The following DLC1 variants were observed in gnomAD, a reference collection of about 807,000 sequenced individuals.
The protein encoded by DLC1 is rho GTPase-activating protein 7.
A neutral mutation model predicts 140.3 loss-of-function variants in DLC1; 54 were observed. The observed-to-expected ratio is 0.38, with a 90% CI of 0.31 to 0.48. The LOEUF is 0.48. DLC1 is among the 20% of genes least tolerant of loss of function. The probability of loss-of-function intolerance (pLI) is 0.96; values close to 1 mark genes in which losing one functional copy is unlikely to be tolerated. For synonymous variants in DLC1, 986 were observed against 728.1 expected (o/e 1.35, Z -5.70); for missense variants, 2,536 against 1,907.0 (o/e 1.33, Z -6.14).
chr8:13,453,404 G>GTA (rs1252499122), intron 2 of DLC1, among the ~76,000 whole-genome samples: 1,224 of 22,832 alleles, frequency 0.054, 57 homozygotes, highest in Non-Finnish European at 0.066. Context: ...ATATATATGT[G>GTA]TATATATATA....
chr8:13,168,870 G>T (rs895054939), intron 5 of DLC1, among the ~76,000 whole-genome samples: 1 of 152,284 alleles, frequency 6.6e-6, no homozygotes, highest in Admixed American at 6.5e-5. Context: ...AATGAAGTCG[G>T]TGATTAGAAT....
chr8:13,261,912 A>G (rs1830485517), intron 5 of DLC1, among the ~76,000 whole-genome samples: 1 of 152,240 alleles, frequency 6.6e-6, no homozygotes, highest in African/African-American at 2.4e-5. Flanking sequence ...GTTATTAAGC[A>G]TTAAATAATA....
chr8:13,154,450 C>A (rs1824092240), intron 5 of DLC1, among the ~76,000 whole-genome samples: 1 of 152,224 alleles, frequency 6.6e-6, no homozygotes, highest in Admixed American at 6.5e-5. Flanking sequence ...GTGCTAAGCC[C>A]CTTACTGCCC....
At chr8:13,557,385 A>C (rs953332634) in intron 1 of DLC1, among the ~76,000 whole-genome samples, 2 of 152,092 alleles carry the variant, frequency 1.3e-5, no homozygotes, top group Non-Finnish European at 2.9e-5. Flanking sequence ...GGTTGAGTGG[A>C]AGAAAGGAAG....
chr8:13,597,512 G>A (rs1282292496), intron 1 of DLC1, among the ~76,000 whole-genome samples: 2 of 151,988 alleles, frequency 1.3e-5, no homozygotes, highest in Admixed American at 6.6e-5. Flanking sequence ...AACTCTGGGT[G>A]TTTTACCCTT....
intron 5 of DLC1, among the ~76,000 whole-genome samples, chr8:13,295,938 C>CTTTTTTTTTTTTTTTTTTTTTTTTT (rs34697767): frequency 7.5e-5 from 4 of 53,344 alleles, no homozygotes; most frequent in Non-Finnish European, 7.4e-5. Context: ...AGATAAGATT[C>CTTTTTTTTTTTTTTTTTTTTTTTTT]TTTGTTTTTT....
At chr8:13,596,342 G>C (rs1369676728) in intron 1 of DLC1, among the ~76,000 whole-genome samples, 1 of 151,984 alleles carries the variant, frequency 6.6e-6, no homozygotes, top group Non-Finnish European at 1.5e-5. Context: ...TTTCTTGGCA[G>C]AGCCCCTCAG....
intron 5 of DLC1, among the ~76,000 whole-genome samples, chr8:13,256,510 G>T (rs1042555646): frequency 3.9e-5 from 6 of 152,098 alleles, no homozygotes; most frequent in Non-Finnish European, 7.3e-5. Flanking sequence ...AGAAAATGTG[G>T]CACATATACA....
intron 1 of DLC1, among the ~76,000 whole-genome samples, chr8:13,597,349 C>A (rs1805716912): frequency 1.3e-5 from 2 of 151,996 alleles, no homozygotes; most frequent in South Asian, 2.1e-4. Context: ...CGTATTGCTT[C>A]TCCCATTTCT....
intron 5 of DLC1, among the ~76,000 whole-genome samples, chr8:13,244,920 C>T (rs138071334): frequency 5.5e-4 from 84 of 152,302 alleles, no homozygotes; most frequent in African/African-American, 1.9e-3. Context: ...TTATACTATG[C>T]CAACATTTTG....
intron 1 of DLC1, among the ~76,000 whole-genome samples, chr8:13,512,966 C>CTTTTTTT (rs57239531): frequency 7.1e-6 from 1 of 139,968 alleles, no homozygotes. Context: ...ACAGTTTTAC[C>CTTTTTTT]TTTTTTTTTT....
rs114865080 is a variant in DLC1, at chr8:13,420,612, C to G, written c.1024-18993G>C. ...TGTGTGATGTTCCCCTCCTTGTGTT[C>G]CCCTCATTGTTCAACTCTCACTTAT... On this transcript the variant is annotated intron_variant, in intron 2 of 17. Coordinates refer to ENST00000276297, the MANE Select transcript of DLC1 (RefSeq NM_182643.3). Among the ~76,000 whole-genome samples, 5 of 152,070 alleles carry G rather than the reference C, an allele frequency of 3.3e-5. No homozygotes were observed. The South Asian group carries it at 1.0e-3, about 32-fold the overall frequency.
At chr8:13,271,484 A>G (rs747857344) in intron 5 of DLC1, among the ~76,000 whole-genome samples, 47 of 152,328 alleles carry the variant, frequency 3.1e-4, no homozygotes, top group Non-Finnish European at 5.0e-4. Flanking sequence ...ATCAGCTGCA[A>G]TGTAAAAATC....
intron 1 of DLC1, among the ~76,000 whole-genome samples, chr8:13,536,652 C>G (rs1402995445): frequency 6.6e-6 from 1 of 152,172 alleles, no homozygotes; most frequent in Non-Finnish European, 1.5e-5. Context: ...TACTTTCCCC[C>G]TGGTCAAAGG....
intron 5 of DLC1, among the ~76,000 whole-genome samples, chr8:13,163,688 G>C (rs575787448): frequency 5.3e-5 from 8 of 152,200 alleles, no homozygotes; most frequent in African/African-American, 1.7e-4. Flanking sequence ...GAGCTAGCTA[G>C]ATCAAGATCT....
At chr8:13,462,455 G>A (rs1403723842) in intron 2 of DLC1, among the ~76,000 whole-genome samples, 3 of 149,702 alleles carry the variant, frequency 2.0e-5, no homozygotes, top group African/African-American at 7.4e-5. Flanking sequence ...CCAGGCTGGA[G>A]TGCAGTGGCG....
intron 1 of DLC1, among the ~76,000 whole-genome samples, chr8:13,506,020 A>G (rs1802044570): frequency 6.6e-6 from 1 of 152,054 alleles, no homozygotes; most frequent in African/African-American, 2.4e-5. Flanking sequence ...CAGGTATCTT[A>G]TTTTGTCCTT....
intron 2 of DLC1, among the ~76,000 whole-genome samples, chr8:13,469,572 G>A (rs144880095): frequency 5.9e-5 from 9 of 152,188 alleles, no homozygotes; most frequent in Admixed American, 3.3e-4. Context: ...TATTCAAATC[G>A]CAGGAATTAT....
chr8:13,440,470 T>C (rs1444361131), intron 2 of DLC1, among the ~76,000 whole-genome samples: 4 of 152,220 alleles, frequency 2.6e-5, no homozygotes, highest in African/African-American at 7.2e-5. Context: ...CAATGAAATG[T>C]CTAGAAAGAG....
Sources: gnomAD v4.1 joint callset for allele counts (sites outside exome capture counted in the v4.1 genomes callset) on GRCh38, gnomAD v4.1.1 for gene constraint, MANE v1.5 for transcripts, NCBI Gene and HGNC (gene_info 2026-07-23, HGNC 2026-07-21) for gene names.